Variants in SEMA5A observed in about 807,000 individuals in gnomAD.
SEMA5A encodes semaphorin-5A.
A neutral mutation model predicts 135.5 loss-of-function variants in SEMA5A; 55 were observed. The observed-to-expected ratio is 0.41, with a 90% confidence interval of 0.33 to 0.51. The LOEUF (loss-of-function observed/expected upper bound fraction) is 0.51, where lower values mean the gene tolerates loss of function less well. SEMA5A is among the 20% of genes least tolerant of loss of function. The pLI, the probability that SEMA5A is intolerant of heterozygous loss-of-function variation, is 0.37. For synonymous variants in SEMA5A, 580 were observed against 546.5 expected, an observed-to-expected ratio of 1.06 and a Z score of -0.85; for missense variants, 1,290 against 1,419.9, an observed-to-expected ratio of 0.91 and a Z score of 1.47.
rs906223188 is a variant in SEMA5A, at chr5:9,534,117, A to G, written c.-175+11467T>C. ...TAGCCCTGAAGGCTTAATTAAACCC[A>G]GTAGCCAACTCTGTCTCACTTAAAA... On this transcript the variant is annotated intron_variant, in intron 1 of 22. Transcript: ENST00000382496. Among the ~76,000 whole-genome samples the G allele has an allele frequency of 2.6e-5, 4 of 152,338 alleles. No individual in the cohort carries two copies. The South Asian group carries it at 8.3e-4, about 32-fold the overall frequency.
At position 9,465,460 on chromosome 5, in the gene SEMA5A, A is replaced by C. The variant is rs151250912; in HGVS notation, c.-174-27608T>G. Among the ~76,000 whole-genome samples, 494 of 152,342 alleles carry C rather than the reference A, an allele frequency of 3.2e-3. 2 individuals are homozygous for C. In the South Asian group the frequency reaches 0.042, roughly 13 times the overall value. On this transcript the variant is annotated intron_variant, in intron 1 of 22. Coordinates refer to ENST00000382496, the MANE Select transcript of SEMA5A (RefSeq NM_003966.3). ...TCAGCCCTCCATATCCATTGGTTCC[A>C]TATCTGTGGATTCAACAATCAGGGA...
At chr5:9,269,821 T>C (rs999261399) in intron 5 of SEMA5A, among the ~76,000 whole-genome samples, 35 of 152,132 alleles carry the variant, frequency 2.3e-4, no homozygotes, top group Non-Finnish European at 4.6e-4. Flanking sequence ...TAACACTCAC[T>C]TCTGAGTTAG....
intron 1 of SEMA5A, among the ~76,000 whole-genome samples, chr5:9,496,815 A>C (rs1216598874): frequency 6.6e-6 from 1 of 152,148 alleles, no homozygotes; most frequent in Non-Finnish European, 1.5e-5. Flanking sequence ...GAATTTTTAG[A>C]TATACATTTC....
At chr5:9,197,710 A>C (rs1745471919) in intron 9 of SEMA5A, among the ~76,000 whole-genome samples, 1 of 126,764 alleles carries the variant, frequency 7.9e-6, no homozygotes, top group East Asian at 2.2e-4. Context: ...CACTTTGCCC[A>C]GCAGCAGGGA....
intron 1 of SEMA5A, among the ~76,000 whole-genome samples, chr5:9,538,280 A>C (rs1415373544): frequency 7.0e-6 from 1 of 142,346 alleles, no homozygotes; most frequent in Non-Finnish European, 1.5e-5. Flanking sequence ...GGGCGGGGGG[A>C]GGTGCGCGGG....
chr5:9,487,839 G>A (rs1317543852), intron 1 of SEMA5A, among the ~76,000 whole-genome samples: 2 of 152,076 alleles, frequency 1.3e-5, no homozygotes, highest in Non-Finnish European at 2.9e-5. Context: ...ATATGAATGA[G>A]CAATTGTTAG....
At chr5:9,277,512 A>C (rs1203667216) in intron 5 of SEMA5A, among the ~76,000 whole-genome samples, 1 of 152,194 alleles carries the variant, frequency 6.6e-6, no homozygotes, top group Non-Finnish European at 1.5e-5. Flanking sequence ...AGACACATGC[A>C]CACATATATT....
At chr5:9,416,985 G>C (rs1463449797) in intron 2 of SEMA5A, among the ~76,000 whole-genome samples, 1 of 152,220 alleles carries the variant, frequency 6.6e-6, no homozygotes, top group African/African-American at 2.4e-5. Context: ...AAAAGAAATT[G>C]GTAAGACCAG....
At position 9,274,114 on chromosome 5, in the gene SEMA5A, A is replaced by G. The variant is rs571496995; in HGVS notation, c.271-36224T>C. 5.5e-4 allele frequency among the ~76,000 whole-genome samples: 84 copies of G among 152,292 alleles called. 1 individual carries two copies. The highest frequency in any genetic ancestry group is 2.0e-3 in the African/African-American group (82 of 41,578). ...AGACCCATCTCATGTGCAAAGACACACATAGGCTCAAAATAAAGGGATGGA... is the reference window on the plus strand; with the variant it reads ...AGACCCATCTCATGTGCAAAGACACGCATAGGCTCAAAATAAAGGGATGGA... On this transcript the variant is annotated intron_variant, in intron 5 of 22. Coordinates refer to ENST00000382496, the MANE Select transcript of SEMA5A (RefSeq NM_003966.3).
Position 9,203,404 on chromosome 5 carries a change from A to G in SEMA5A, c.647-1164T>C, listed in dbSNP as rs528642757. Among the ~76,000 whole-genome samples the G allele has an allele frequency of 3.3e-5, 5 of 152,336 alleles. No individual in the cohort carries two copies. In the East Asian group the frequency reaches 9.6e-4, roughly 29 times the overall value. ...CCTTTCCAGATACAATTGCACTGCA[A>G]TAATAACATGTTACTGGCAGGACAA... On this transcript the variant is annotated intron_variant, in intron 8 of 22. Coordinates refer to ENST00000382496, the MANE Select transcript of SEMA5A (RefSeq NM_003966.3).
chr5:9,169,686 T>C (rs1743807447), intron 11 of SEMA5A, among the ~76,000 whole-genome samples: 1 of 152,152 alleles, frequency 6.6e-6, no homozygotes, highest in African/African-American at 2.4e-5. Context: ...ATAGAGCAAC[T>C]TTGGTGTGGC....
At chr5:9,106,842 G>A (rs1029857523) in intron 16 of SEMA5A, among the ~76,000 whole-genome samples, 2 of 152,200 alleles carry the variant, frequency 1.3e-5, no homozygotes, top group African/African-American at 4.8e-5. Context: ...CTGGAAAGAA[G>A]TGTCTTTATA....
Position 9,361,815 on chromosome 5 carries a change from T to G in SEMA5A, c.124+18008A>C, listed in dbSNP as rs17196628. Among the ~76,000 whole-genome samples the G allele has an allele frequency of 6.2e-3, 945 of 152,316 alleles. 4 individuals carry two copies. The highest frequency in any genetic ancestry group is 0.01 in the Middle Eastern group (3 of 294). ...GTCACTGATTGTTCTGCTGATGCGC[T>G]TAGTTCCATTCATTGTTTCATTAGT... On this transcript the variant is annotated intron_variant, in intron 3 of 22. Coordinates refer to ENST00000382496, the MANE Select transcript of SEMA5A (RefSeq NM_003966.3).
intron 3 of SEMA5A, among the ~76,000 whole-genome samples, chr5:9,345,877 A>G (rs957639308): frequency 6.6e-6 from 1 of 152,194 alleles, no homozygotes; most frequent in Non-Finnish European, 1.5e-5. Flanking sequence ...ATATGTATAC[A>G]CATGTATTTA....
intron 3 of SEMA5A, among the ~76,000 whole-genome samples, chr5:9,368,799 C>A (rs1755018264): frequency 6.6e-6 from 1 of 152,130 alleles, no homozygotes; most frequent in East Asian, 1.9e-4. Flanking sequence ...CATTGATGAA[C>A]TTTTGGGTTG....
intron 2 of SEMA5A, among the ~76,000 whole-genome samples, chr5:9,423,314 A>G (rs1757534168): frequency 6.6e-6 from 1 of 152,204 alleles, no homozygotes; most frequent in Non-Finnish European, 1.5e-5. Flanking sequence ...CATTTTACCA[A>G]TGAAATGATC....
At chr5:9,465,526 A>C (rs140422019) in intron 1 of SEMA5A, among the ~76,000 whole-genome samples, 1 of 152,374 alleles carries the variant, frequency 6.6e-6, no homozygotes, top group Non-Finnish European at 1.5e-5. Flanking sequence ...AAGTGCTGTA[A>C]GGCAAAACTT....
intron 8 of SEMA5A, among the ~76,000 whole-genome samples, chr5:9,207,134 A>ATATAT (rs1491507145): frequency 1.2e-4 from 17 of 139,634 alleles, no homozygotes; most frequent in South Asian, 2.4e-4. Context: ...ATATATATAT[A>ATATAT]AAGCTTAAAG....
At chr5:9,537,138 C>T (rs1438760196) in intron 1 of SEMA5A, among the ~76,000 whole-genome samples, 3 of 152,082 alleles carry the variant, frequency 2.0e-5, no homozygotes, top group African/African-American at 7.2e-5. Context: ...AGGACAATGC[C>T]TTCACATAAT....
Sources: gnomAD v4.1 joint callset for allele counts (sites outside exome capture counted in the v4.1 genomes callset) on GRCh38, gnomAD v4.1.1 for gene constraint, MANE v1.5 for transcripts, NCBI Gene and HGNC (gene_info 2026-07-23, HGNC 2026-07-21) for gene names.